The following GGNBP2 variants were observed in gnomAD, a reference collection of about 807,000 sequenced individuals.
The protein encoded by GGNBP2 is gametogenetin binding protein 2.
Under a neutral mutation model 85.9 loss-of-function variants are expected in GGNBP2, and 10 were observed. The observed-to-expected ratio is 0.12, with a 90% CI of 0.07 to 0.20. The LOEUF is 0.20. Ranked by LOEUF, GGNBP2 falls within the 10% of genes least tolerant of loss-of-function variation. The pLI is 1.00. For synonymous variants in GGNBP2, 287 were observed against 285.7 expected, an observed-to-expected ratio of 1.00 and a Z score of -0.05; for missense variants, 595 against 857.8, an observed-to-expected ratio of 0.69 and a Z score of 3.83.
At position 36,586,990 on chromosome 17, in the gene GGNBP2, G is replaced by A; in HGVS notation, c.1642-7G>A. On this transcript the variant is annotated splice_polypyrimidine_tract_variant and splice_region_variant and intron_variant, in intron 12 of 13. Coordinates refer to ENST00000613102, the MANE Select transcript of GGNBP2 (RefSeq NM_024835.5). The stretch of plus-strand genomic sequence containing the variant: ...TTTACCTGTGAAATCCTTTGCTGTG[G>A]TATCAGATCCAGAAGCTTGGAAGCT... The A allele has an allele frequency of 1.9e-6, 3 of 1,609,780 alleles. No homozygotes were observed. The highest frequency in any genetic ancestry group is 2.5e-6 in the Non-Finnish European group (3 of 1,177,704).
intron 4 of GGNBP2, among the ~76,000 whole-genome samples, chr17:36,557,907 G>T (rs552754930): frequency 3.2e-4 from 48 of 149,110 alleles, no homozygotes; most frequent in African/African-American, 1.1e-3. Flanking sequence ...AGGTCTGGAG[G>T]TCGAGACCAT....
intron 7 of GGNBP2, 172 bp downstream of exon 7, chr17:36,578,358 A>C (rs552546811): frequency 1.8e-6 from 1 of 549,314 alleles, no homozygotes. Context: ...ATTGACTGAA[A>C]ATAGGGAAAA....
intron 9 of GGNBP2, 197 bp downstream of exon 9, chr17:36,581,735 T>G (rs1223104997): frequency 2.7e-6 from 1 of 363,840 alleles, no homozygotes; most frequent in Non-Finnish European, 4.9e-6. Context: ...TATTTTATTT[T>G]TTTAATAAAA....
chr17:36,588,150 A>G (rs897900257), intron 13 of GGNBP2, among the ~76,000 whole-genome samples: 4 of 152,210 alleles, frequency 2.6e-5, no homozygotes, highest in Non-Finnish European at 5.9e-5. Flanking sequence ...CTGATCCCCA[A>G]CTGACCCAGT....
intron 5 of GGNBP2, among the ~76,000 whole-genome samples, chr17:36,565,260 A>C (rs185704772): frequency 2.0e-5 from 3 of 152,350 alleles, no homozygotes; most frequent in Non-Finnish European, 2.9e-5. Flanking sequence ...TCCAGGTTGC[A>C]ATGATTGAAA....
Position 36,566,648 on chromosome 17 carries a change from T to C in GGNBP2, c.528-1015T>C, listed in dbSNP as rs2074471730. ...CTGAGCCAAGATCACGCCACTGCAT[T>C]CCAGCCTGAGTGACAGAGCGAGAAT... On this transcript the variant is annotated intron_variant, in intron 5 of 13. Coordinates refer to ENST00000613102, the MANE Select transcript of GGNBP2 (RefSeq NM_024835.5). Among the ~76,000 whole-genome samples, 3 of 152,084 alleles carry C rather than the reference T, an allele frequency of 2.0e-5. No homozygotes were observed. The South Asian group carries it at 6.2e-4, about 32-fold the overall frequency.
intron 2 of GGNBP2, among the ~76,000 whole-genome samples, chr17:36,551,513 TAGAA>T (rs1287892853): frequency 6.6e-6 from 1 of 151,914 alleles, no homozygotes; most frequent in Non-Finnish European, 1.5e-5. Flanking sequence ...ATTGACTTCT[TAGAA>T]AGAATTCCTA....
chr17:36,584,821 G>A (rs1435714554), intron 9 of GGNBP2, among the ~76,000 whole-genome samples: 1 of 152,142 alleles, frequency 6.6e-6, no homozygotes, highest in Non-Finnish European at 1.5e-5. Context: ...AGGCCTGGTG[G>A]TGTGCTTCTG....
chr17:36,581,284 C>G, intron 8 of GGNBP2, 60 bp from the exon 9 acceptor site: 1 of 1,037,206 alleles, frequency 9.6e-7, no homozygotes, highest in Non-Finnish European at 1.4e-6. Context: ...GATTCCGTCT[C>G]AAAAAAAAAA....
At chr17:36,587,780 G>A (rs371565249) in intron 13 of GGNBP2, among the ~76,000 whole-genome samples, 4 of 152,278 alleles carry the variant, frequency 2.6e-5, no homozygotes, top group South Asian at 2.1e-4. Context: ...CCAGCTACCC[G>A]GGAGGCTAAG....
At chr17:36,588,143 A>T (rs896411473) in intron 13 of GGNBP2, among the ~76,000 whole-genome samples, 4 of 152,164 alleles carry the variant, frequency 2.6e-5, no homozygotes, top group African/African-American at 9.7e-5. Flanking sequence ...TTTTTACCTG[A>T]TCCCCAACTG....
At chr17:36,564,907 TTGTC>T (rs1332348293) in intron 5 of GGNBP2, among the ~76,000 whole-genome samples, 14 of 152,296 alleles carry the variant, frequency 9.2e-5, no homozygotes, top group African/African-American at 2.6e-4. Context: ...ACCCAGGTTA[TTGTC>T]TGTCTGGGAG....
chr17:36,576,639 AT>A (rs2074593008), intron 6 of GGNBP2: 1 of 130,174 alleles, frequency 7.7e-6, no homozygotes, highest in East Asian at 2.2e-4. Flanking sequence ...GTATATGTAT[AT>A]ATGTATATGT....
At chr17:36,556,203 C>T (rs1215003267) in intron 3 of GGNBP2, among the ~76,000 whole-genome samples, 5 of 152,120 alleles carry the variant, frequency 3.3e-5, no homozygotes, top group Admixed American at 6.6e-5. Flanking sequence ...TTGTCATAAC[C>T]AGCAGATACA....
At chr17:36,563,238 C>T (rs1307508874) in intron 5 of GGNBP2, among the ~76,000 whole-genome samples, 3 of 151,868 alleles carry the variant, frequency 2.0e-5, no homozygotes. Flanking sequence ...TGCACTCCAG[C>T]CTGGGCGACA....
intron 13 of GGNBP2, 199 bp downstream of exon 13, chr17:36,587,444 A>G (rs961495464): frequency 3.1e-5 from 19 of 614,318 alleles, no homozygotes; most frequent in Admixed American, 2.8e-4. Flanking sequence ...ACACGTTTCC[A>G]TGGCCGCCTC....
chr17:36,576,629 G>GTGTGTGTATATATA (rs1203227585), intron 6 of GGNBP2: 3 of 111,082 alleles, frequency 2.7e-5, no homozygotes, highest in African/African-American at 8.0e-5. Context: ...GTGTGTGTGT[G>GTGTGTGTATATATA]TATATGTATA....
At chr17:36,582,271 A>C (rs1424852804) in intron 9 of GGNBP2, 2 of 152,246 alleles carry the variant, frequency 1.3e-5, no homozygotes, top group Non-Finnish European at 2.9e-5. Context: ...CTGTAATCCC[A>C]GCTACTTGGG....
intron 6 of GGNBP2, among the ~76,000 whole-genome samples, chr17:36,570,120 G>A (rs536885225): frequency 2.6e-5 from 4 of 152,300 alleles, no homozygotes; most frequent in South Asian, 4.1e-4. Context: ...GCTCACAACT[G>A]TAGTTCCAGC....
Sources: gnomAD v4.1 joint callset for allele counts (sites outside exome capture counted in the v4.1 genomes callset) on GRCh38, gnomAD v4.1.1 for gene constraint, MANE v1.5 for transcripts, NCBI Gene and HGNC (gene_info 2026-07-23, HGNC 2026-07-21) for gene names.